Variants in HOMER2 observed in about 807,000 individuals in gnomAD.
The protein encoded by HOMER2 is homer protein homolog 2.
HOMER2 carries 27 observed loss-of-function variants against 47.0 expected under a neutral mutation model. The ratio of observed to expected loss-of-function variants is 0.57; its 90% CI spans 0.42 to 0.79. The LOEUF is 0.79. Among genes scored for constraint, HOMER2 ranks in the 30% least tolerant of loss-of-function variants. HOMER2 has a pLI of 0.00. For missense variants in HOMER2, 443 were observed against 435.0 expected, an observed-to-expected ratio of 1.02 and a Z score of -0.16; for synonymous variants, 161 against 163.8, an observed-to-expected ratio of 0.98 and a Z score of 0.13.
At chr15:82,971,029 G>A (rs2029968366) in intron 1 of HOMER2, among the ~76,000 whole-genome samples, 1 of 152,146 alleles carries the variant, frequency 6.6e-6, no homozygotes, top group Non-Finnish European at 1.5e-5. Flanking sequence ...CATAAGGAAG[G>A]GACTCCCTGA....
chr15:82,944,166 A>G (rs1445516464), intron 1 of HOMER2, among the ~76,000 whole-genome samples: 1 of 152,210 alleles, frequency 6.6e-6, no homozygotes, highest in African/African-American at 2.4e-5. Context: ...GAATGATACC[A>G]TATGACTAAC....
At chr15:82,924,398 G>T in intron 1 of HOMER2, among the ~76,000 whole-genome samples, 1 of 138,482 alleles carries the variant, frequency 7.2e-6, no homozygotes, top group Middle Eastern at 3.8e-3. Flanking sequence ...CCCCAGAACA[G>T]CCCCTGCTTG....
intron 1 of HOMER2, among the ~76,000 whole-genome samples, chr15:82,898,952 C>G (rs180896587): frequency 2.0e-5 from 3 of 152,188 alleles, no homozygotes; most frequent in Non-Finnish European, 2.9e-5. Flanking sequence ...TGTAAGGTAC[C>G]CTAATTAGTT....
intron 1 of HOMER2, among the ~76,000 whole-genome samples, chr15:82,974,274 C>T (rs1176991471): frequency 6.6e-6 from 1 of 151,554 alleles, no homozygotes; most frequent in Non-Finnish European, 1.5e-5. Flanking sequence ...CGTGGTGGCA[C>T]GTGTCTGTAG....
At chr15:82,985,964 C>A, upstream of HOMER2, 3 of 612,724 alleles carry the variant, frequency 4.9e-6, no homozygotes, top group Non-Finnish European at 6.1e-6. Context: ...CTACCCGTCA[C>A]CTGCTCCCAA....
At chr15:82,933,565 T>C (rs1790925188) in intron 1 of HOMER2, among the ~76,000 whole-genome samples, 2 of 152,098 alleles carry the variant, frequency 1.3e-5, no homozygotes, top group South Asian at 2.1e-4. Context: ...CACCTTCTCA[T>C]CATTCTCACA....
At chr15:82,863,730 G>A (rs1457138790) in intron 4 of HOMER2, among the ~76,000 whole-genome samples, 1 of 152,184 alleles carries the variant, frequency 6.6e-6, no homozygotes, top group African/African-American at 2.4e-5. Flanking sequence ...GATCTCCTCT[G>A]TTAAGACAGA....
intron 1 of HOMER2, among the ~76,000 whole-genome samples, chr15:82,919,354 CAGG>C (rs2053671384): frequency 6.6e-6 from 1 of 152,228 alleles, no homozygotes; most frequent in Non-Finnish European, 1.5e-5. Flanking sequence ...GGATCAAGGA[CAGG>C]TTGGCCTGTT....
intron 1 of HOMER2, among the ~76,000 whole-genome samples, chr15:82,939,097 G>A (rs553301918): frequency 6.6e-6 from 1 of 152,306 alleles, no homozygotes; most frequent in South Asian, 2.1e-4. Flanking sequence ...ACTGTTGAGT[G>A]TTAGAGCTGA....
At chr15:82,876,554 T>G (rs1831687234) in intron 2 of HOMER2, among the ~76,000 whole-genome samples, 1 of 152,166 alleles carries the variant, frequency 6.6e-6, no homozygotes, top group African/African-American at 2.4e-5. Context: ...AAAAATACTC[T>G]TGGAAATAAA....
upstream of HOMER2, among the ~76,000 whole-genome samples, chr15:82,954,107 T>C (rs1370547269): frequency 6.6e-6 from 1 of 151,974 alleles, no homozygotes; most frequent in Non-Finnish European, 1.5e-5. Context: ...AAAATAAGTT[T>C]GTAAAAAATA....
At chr15:82,861,190 C>A (rs2051778811) in intron 4 of HOMER2, among the ~76,000 whole-genome samples, 1 of 152,162 alleles carries the variant, frequency 6.6e-6, no homozygotes, top group Non-Finnish European at 1.5e-5. Flanking sequence ...TAAGAACATC[C>A]ATACCTTTAA....
intron 1 of HOMER2, among the ~76,000 whole-genome samples, chr15:82,973,154 T>C (rs2030068609): frequency 6.6e-6 from 1 of 152,208 alleles, no homozygotes; most frequent in African/African-American, 2.4e-5. Flanking sequence ...CAAACAGACC[T>C]TGCTTCAATC....
rs569235118 is a variant in HOMER2 at position 82,936,163 on chromosome 15, G to C, written c.5+16368C>G. Among the ~76,000 whole-genome samples, 20 of 152,240 alleles carry C rather than the reference G, an allele frequency of 1.3e-4. No individual in the cohort carries two copies. In the South Asian group the frequency reaches 4.2e-3, roughly 32 times the overall value. On this transcript the variant is annotated intron_variant, in intron 1 of 8. Transcript: ENST00000450735. ...CCTCCTACTTGCAGTCTTTGCACCT[G>C]CTCTTTCCTCCACCTAGAACGCTCT...
At position 82,892,788 on chromosome 15, in the gene HOMER2, G is replaced by A; in HGVS notation, c.59C>T (p.Thr20Ile). 11 of 1,606,416 alleles carry A rather than the reference G, an allele frequency of 6.8e-6. No individual in the cohort carries two copies. Among genetic ancestry groups the A allele is most frequent in the East Asian group, 2.2e-5 (1 of 44,858 alleles). Residue 20 changes from threonine (T) to isoleucine (I), a missense_variant, in exon 2 of 9, where the codon ACC (threonine) becomes ATC (isoleucine). Physicochemically the swap from Thr to Ile is moderately conservative, Grantham distance 89. Transcript: ENST00000450735. ...RAHVFQIDPNTKKNWMPASKQ... is the reference protein window; with the variant it reads ...RAHVFQIDPNIKKNWMPASKQ... ...GCTCGCAGGCATCCAGTTCTTCTTG[G>A]TGTTGGGGTCAATCTGGAAGACATG... is the stretch of plus-strand genomic sequence containing the variant.
chr15:82,864,576 C>A (rs942829492), intron 3 of HOMER2, among the ~76,000 whole-genome samples: 1 of 151,970 alleles, frequency 6.6e-6, no homozygotes, highest in South Asian at 2.1e-4. Context: ...TAATCCATAC[C>A]GAAAAGATCC....
In HOMER2 at chr15:82,884,634, A is replaced by G. The variant is rs2151088274; in HGVS notation, c.162+8051T>C. Among the ~76,000 whole-genome samples the G allele has an allele frequency of 3.0e-5, 2 of 67,348 alleles. 1 individual carries two copies. Among genetic ancestry groups the G allele is most frequent in the South Asian group, 9.8e-4 (2 of 2,036 alleles). 44.2% of individuals were successfully genotyped at this position (67,348 alleles called of 152,430 possible). On this transcript the variant is annotated intron_variant, in intron 2 of 8. Coordinates refer to ENST00000450735, the MANE Select transcript of HOMER2 (RefSeq NM_004839.4). ...CACATCCCTTGTAAGTTGGATTCCTAGGTATTTTATTCTCTTTGAAGCAAT... is the reference window on the plus strand; with the variant it reads ...CACATCCCTTGTAAGTTGGATTCCTGGGTATTTTATTCTCTTTGAAGCAAT...
chr15:82,941,779 C>T (rs1378208108), intron 1 of HOMER2, among the ~76,000 whole-genome samples: 1 of 152,192 alleles, frequency 6.6e-6, no homozygotes, highest in Admixed American at 6.5e-5. Context: ...TTCTACTCCA[C>T]ATTCTTTTCC....
In HOMER2 at chr15:82,849,682, G is replaced by A; in HGVS notation, c.*33C>T. The A allele has an allele frequency of 6.3e-7, 1 of 1,591,472 alleles. No individual in the cohort carries two copies. Among genetic ancestry groups the A allele is most frequent in the Non-Finnish European group, 8.6e-7 (1 of 1,166,836 alleles). On this transcript the variant is annotated 3_prime_UTR_variant, in exon 9 of 9. Coordinates refer to ENST00000450735, the MANE Select transcript of HOMER2 (RefSeq NM_004839.4). ...TATCTGGTCTCGCACACACGCTTGG[G>A]ACTCACGGGCGGGGCCTGGGCCTCG...
Sources: allele counts gnomAD v4.1 joint callset (sites outside exome capture counted in the v4.1 genomes callset), GRCh38; gene constraint gnomAD v4.1.1; transcripts MANE v1.5; gene names NCBI Gene and HGNC (gene_info 2026-07-23, HGNC 2026-07-21).